XRRA1: variants seen among roughly 807,000 people sequenced by gnomAD.
XRRA1 encodes the protein X-ray radiation resistance associated 1.
Under a neutral mutation model 80.2 loss-of-function variants are expected in XRRA1, and 69 were observed. The ratio of observed to expected loss-of-function variants is 0.86; its 90% confidence interval spans 0.71 to 1.05. The LOEUF is 1.05. Among genes scored for constraint, XRRA1 ranks in the 50% least tolerant of loss-of-function variants. The pLI, the probability that XRRA1 is intolerant of heterozygous loss-of-function variation, is 0.00. For synonymous variants in XRRA1, 348 were observed against 389.9 expected (o/e 0.89, Z 1.27); for missense variants, 967 against 976.4 (o/e 0.99, Z 0.13).
chr11:74,908,511 A>C (rs1414288268), intron 8 of XRRA1, among the ~76,000 whole-genome samples: 1 of 152,238 alleles, frequency 6.6e-6, no homozygotes, highest in African/African-American at 2.4e-5. Flanking sequence ...GTATACCTGA[A>C]GTCAGGGATA....
chr11:74,876,014 AC>A (rs2045967851), intron 10 of XRRA1, among the ~76,000 whole-genome samples: 1 of 152,234 alleles, frequency 6.6e-6, no homozygotes, highest in African/African-American at 2.4e-5. Context: ...ATGGGTAGAT[AC>A]TTTCACTAAC....
intron 5 of XRRA1, among the ~76,000 whole-genome samples, chr11:74,932,524 A>G (rs1321863072): frequency 6.6e-6 from 1 of 152,176 alleles, no homozygotes; most frequent in Non-Finnish European, 1.5e-5. Context: ...AGCAAATAGC[A>G]CAGAGACACA....
intron 1 of XRRA1, among the ~76,000 whole-genome samples, chr11:74,946,469 C>G (rs962326992): frequency 3.3e-5 from 5 of 152,182 alleles, no homozygotes; most frequent in African/African-American, 1.2e-4. Flanking sequence ...ACACTCTTGC[C>G]CTCTCTTGCC....
Position 74,933,832 on chromosome 11 carries a change from G to A in XRRA1, c.320C>T (p.Thr107Ile), listed in dbSNP as rs761128366. The change falls in exon 5 of 19, where the codon ACC (threonine) becomes ATC (isoleucine). Residue 107 changes from threonine to isoleucine, a missense_variant. Transcript: ENST00000684022. ...HCVRKPSDLCTINVSGLKFSK... is the reference protein window; with the variant it reads ...HCVRKPSDLCIINVSGLKFSK... ...GAACTTCAGGCCACTCACATTAATG[G>A]TGCACAGATCTGATGGCTTCCTCAC... The A allele has an allele frequency of 5.0e-6, 8 of 1,602,722 alleles. No homozygotes were observed. The highest frequency in any genetic ancestry group is 6.8e-6 in the Non-Finnish European group (8 of 1,174,568).
At chr11:74,945,702 A>T (rs947790532) in intron 1 of XRRA1, among the ~76,000 whole-genome samples, 3 of 152,100 alleles carry the variant, frequency 2.0e-5, no homozygotes, top group Non-Finnish European at 4.4e-5. Context: ...CTTCCTGGTT[A>T]GCTTTAGTTA....
chr11:74,889,363 T>C (rs1220636459), intron 10 of XRRA1, among the ~76,000 whole-genome samples: 2 of 152,196 alleles, frequency 1.3e-5, no homozygotes, highest in African/African-American at 2.4e-5. Context: ...CTGAGAGATT[T>C]TGTCACCACC....
chr11:74,847,861 A>G (rs1197383735), intron 15 of XRRA1, among the ~76,000 whole-genome samples: 1 of 152,146 alleles, frequency 6.6e-6, no homozygotes, highest in Admixed American at 6.5e-5. Context: ...CCCCAGTCAG[A>G]CCCCAGATCT....
chr11:74,843,394 C>T lies in XRRA1; in HGVS notation c.2209G>A (p.Ala737Thr). 1 of 1,612,578 alleles carries T rather than the reference C, an allele frequency of 6.2e-7. No individual in the cohort carries two copies. The highest frequency in any genetic ancestry group is 1.1e-5 in the South Asian group (1 of 90,650). ...TGGAACTCCTTCAACAGCCTCTTGG[C>T]CTCCAGGTACTGCTTGTGGTTCACC... is the stretch of plus-strand genomic sequence containing the variant. ...RLVNHKQYLE[A>T]KRLLKEFQAR... Residue 737 changes from alanine to threonine, a missense_variant, in exon 19 of 19, where the codon GCC (alanine) becomes ACC (threonine). Ala to Thr is a moderately conservative substitution (Grantham distance 58, BLOSUM62 0). Transcript: ENST00000684022.
Position 74,940,767 on chromosome 11 carries a change from T to C in XRRA1, c.94+18A>G. On this transcript the variant is annotated intron_variant, in intron 3 of 18. Coordinates refer to ENST00000684022, the MANE Select transcript of XRRA1 (RefSeq NM_001378157.1). The stretch of plus-strand genomic sequence containing the variant: ...GCTAGGTATGAGGAAAAGGTAGCTA[T>C]TTGAGAAGTCACCTGACCTTCCTCC... The C allele has an allele frequency of 2.5e-6, 4 of 1,586,952 alleles. No individual in the cohort carries two copies. The highest frequency in any genetic ancestry group is 3.4e-6 in the Non-Finnish European group (4 of 1,165,192).
chr11:74,911,745 GAA>G (rs1461068656), intron 8 of XRRA1, among the ~76,000 whole-genome samples: 1 of 152,106 alleles, frequency 6.6e-6, no homozygotes, highest in East Asian at 1.9e-4. Flanking sequence ...TAAGAGATGT[GAA>G]GAGAGAAAGG....
At chr11:74,939,695 A>G (rs1945899898) in intron 3 of XRRA1, among the ~76,000 whole-genome samples, 1 of 152,214 alleles carries the variant, frequency 6.6e-6, no homozygotes, top group African/African-American at 2.4e-5. Flanking sequence ...CAAGATGTAG[A>G]TACTAGGTAT....
At chr11:74,858,387 G>A (rs553237478) in intron 12 of XRRA1, among the ~76,000 whole-genome samples, 11 of 152,264 alleles carry the variant, frequency 7.2e-5, no homozygotes, top group South Asian at 2.1e-4. Context: ...TATATATAAA[G>A]ATTAAGTTGA....
rs2135181884 is a variant in XRRA1, at chr11:74,841,201, A to G, written c.*1999T>C. On this transcript the variant is annotated 3_prime_UTR_variant, in exon 19 of 19. Coordinates refer to ENST00000684022, the MANE Select transcript of XRRA1 (RefSeq NM_001378157.1). ...CTCATTATGGTCTTAAATTGTCCTC[A>G]GGCAGCCTTTTCCTCATCAACCCAT... 6.6e-6 allele frequency: 1 copy of G among 152,342 alleles called. No individual in the cohort carries two copies. The highest frequency in any genetic ancestry group is 2.1e-4 in the South Asian group (1 of 4,826). 9.4% of individuals were successfully genotyped at this position (152,342 alleles called of 1,614,324 possible). A position where few individuals can be genotyped will look rare whatever the true frequency, so the allele number is the denominator to read the frequency against.
At chr11:74,913,382 TG>T (rs2056316715) in intron 8 of XRRA1, among the ~76,000 whole-genome samples, 1 of 152,230 alleles carries the variant, frequency 6.6e-6, no homozygotes, top group African/African-American at 2.4e-5. Context: ...AGATATCCTT[TG>T]TTTATTTAGC....
chr11:74,843,744 G>A (rs150848959), intron 18 of XRRA1, 110 bp downstream of exon 18: 1 of 990,370 alleles, frequency 1.0e-6, no homozygotes, highest in African/African-American at 1.6e-5. Context: ...GACTGATGTA[G>A]GCAGTTGCTC....
chr11:74,945,299 A>T (rs1947274355), intron 1 of XRRA1, among the ~76,000 whole-genome samples: 1 of 152,228 alleles, frequency 6.6e-6, no homozygotes, highest in African/African-American at 2.4e-5. Context: ...GGAGAATATA[A>T]TTATGATAGT....
intron 10 of XRRA1, among the ~76,000 whole-genome samples, chr11:74,903,828 A>G (rs1002051772): frequency 3.9e-5 from 6 of 152,260 alleles, no homozygotes; most frequent in Non-Finnish European, 5.9e-5. Flanking sequence ...CATTATGTAA[A>G]TTACAAACAC....
rs531138835 is a variant in XRRA1 at position 74,909,780 on chromosome 11, T to C, written c.657-2507A>G. The C allele has an allele frequency of 3.9e-5, 6 of 152,340 alleles. No homozygotes were observed. In the East Asian group the frequency reaches 1.2e-3, roughly 29 times the overall value. 9.4% of individuals were successfully genotyped at this position (152,340 alleles called of 1,614,324 possible). A position where few individuals can be genotyped will look rare whatever the true frequency, so the allele number is the denominator to read the frequency against. ...GTGGTGCTATTTTTATTATCACTTCTCTTGCCAAACAGAATTACTACTACT... is the reference window on the plus strand; with the variant it reads ...GTGGTGCTATTTTTATTATCACTTCCCTTGCCAAACAGAATTACTACTACT... On this transcript the variant is annotated intron_variant, in intron 8 of 18. Coordinates refer to ENST00000684022, the MANE Select transcript of XRRA1 (RefSeq NM_001378157.1).
chr11:74,885,732 T>C (rs143110606), intron 10 of XRRA1, among the ~76,000 whole-genome samples: 2 of 152,264 alleles, frequency 1.3e-5, no homozygotes, highest in Non-Finnish European at 2.9e-5. Context: ...ATCATCCTGA[T>C]ACCAAAACCC....
Sources: allele counts gnomAD v4.1 joint callset (sites outside exome capture counted in the v4.1 genomes callset), GRCh38; gene constraint gnomAD v4.1.1; transcripts MANE v1.5; gene names NCBI Gene and HGNC (gene_info 2026-07-23, HGNC 2026-07-21).